SLC16A14: variants seen among roughly 807,000 people sequenced by gnomAD.
The protein encoded by SLC16A14 is solute carrier family 16 member 14.
Under a neutral mutation model 35.8 loss-of-function variants are expected in SLC16A14, and 14 were observed. That is an observed-to-expected ratio of 0.39 (90% CI 0.26 to 0.61). The LOEUF (loss-of-function observed/expected upper bound fraction) is 0.61. Ranked by LOEUF, SLC16A14 falls within the 20% of genes least tolerant of loss-of-function variation. The pLI, the probability that SLC16A14 is intolerant of heterozygous loss-of-function variation, is 0.51. For missense variants in SLC16A14, 533 were observed against 655.0 expected, an observed-to-expected ratio of 0.81 and a Z score of 2.03; for synonymous variants, 248 against 258.9, an observed-to-expected ratio of 0.96 and a Z score of 0.40.
intron 2 of SLC16A14, among the ~76,000 whole-genome samples, chr2:230,053,165 A>T (rs914935962): frequency 2.0e-5 from 3 of 151,894 alleles, no homozygotes; most frequent in Non-Finnish European, 4.4e-5. Flanking sequence ...CTGGTCTCAA[A>T]CTGCTGACCT....
chr2:230,058,374 T>A (rs559322264), intron 2 of SLC16A14: 4 of 152,170 alleles, frequency 2.6e-5, no homozygotes, highest in Non-Finnish European at 5.9e-5. Context: ...ATTTAAATTG[T>A]TATATCACAC....
At chr2:230,050,330 G>A (rs762213376) in intron 2 of SLC16A14, among the ~76,000 whole-genome samples, 8 of 152,242 alleles carry the variant, frequency 5.3e-5, no homozygotes, top group Non-Finnish European at 1.0e-4. Context: ...GTTAGTTGGA[G>A]CTGTGCAGTG....
chr2:230,055,414 A>G (rs141631608), intron 2 of SLC16A14, among the ~76,000 whole-genome samples: 17 of 152,338 alleles, frequency 1.1e-4, no homozygotes, highest in African/African-American at 3.4e-4. Flanking sequence ...TTTCATTTAT[A>G]TAACTATGAG....
chr2:230,045,691 A>G (rs1318676874), intron 4 of SLC16A14, 54 bp downstream of exon 4: 2 of 1,601,728 alleles, frequency 1.2e-6, no homozygotes, highest in Admixed American at 1.7e-5. Context: ...ACTTTATAAC[A>G]TAACGCACCA....
At chr2:230,061,931 G>A (rs1374117604) in intron 1 of SLC16A14, among the ~76,000 whole-genome samples, 7 of 151,928 alleles carry the variant, frequency 4.6e-5, no homozygotes, top group Non-Finnish European at 1.0e-4. Context: ...TATTAGAGAC[G>A]GGGTTTCGCC....
chr2:230,064,373 T>C (rs976631165), intron 1 of SLC16A14, among the ~76,000 whole-genome samples: 8 of 151,996 alleles, frequency 5.3e-5, no homozygotes, highest in African/African-American at 1.7e-4. Context: ...TGTCTGAGCC[T>C]GCTTGGGGCT....
chr2:230,055,514 C>G (rs2077697525), intron 2 of SLC16A14, among the ~76,000 whole-genome samples: 1 of 152,172 alleles, frequency 6.6e-6, no homozygotes, highest in African/African-American at 2.4e-5. Context: ...AGTCTAAAAT[C>G]TGAAATTCCA....
intron 4 of SLC16A14, among the ~76,000 whole-genome samples, chr2:230,040,287 C>T (rs562889964): frequency 9.2e-5 from 14 of 152,174 alleles, no homozygotes; most frequent in African/African-American, 3.1e-4. Flanking sequence ...GGCACAATCT[C>T]AGCTCACTGC....
chr2:230,061,529 A>C (rs1260051021), intron 1 of SLC16A14, among the ~76,000 whole-genome samples: 1 of 152,176 alleles, frequency 6.6e-6, no homozygotes, highest in Admixed American at 6.5e-5. Context: ...CCTTTCTCAG[A>C]ACACTCTAGG....
chr2:230,048,923 C>CAAA (rs748042264), intron 3 of SLC16A14, among the ~76,000 whole-genome samples: 502 of 14,804 alleles, frequency 0.034, 25 homozygotes, highest in East Asian at 0.072. Flanking sequence ...AACTCCATCT[C>CAAA]AAAAAAAAAA....
At position 230,055,328 on chromosome 2, in the gene SLC16A14, A is replaced by G. The variant is rs946030564; in HGVS notation, c.259+3766T>C. On this transcript the variant is annotated intron_variant, in intron 2 of 4. Transcript: ENST00000295190. ...AAAGCTTCCCTGAGGCTGCTCAACA[A>G]ATCTGCAGCCACCCTGTACCAGGAA... Among the ~76,000 whole-genome samples, 4 of 152,310 alleles carry G rather than the reference A, an allele frequency of 2.6e-5. No homozygotes were observed. In the East Asian group the frequency reaches 7.7e-4, roughly 29 times the overall value.
At chr2:230,060,523 ATATG>A (rs56946599) in intron 1 of SLC16A14, among the ~76,000 whole-genome samples, 72,196 of 150,730 alleles carry the variant, frequency 0.48, 17,927 homozygotes, top group African/African-American at 0.58. Context: ...TCATATGTAT[ATATG>A]TATGTATGTA....
In SLC16A14 at chr2:230,068,530, G is replaced by GGC. The variant is rs1366637713; in HGVS notation, c.-15+23_-15+24dup. 2 of 152,686 alleles carry GGC rather than the reference G, an allele frequency of 1.3e-5. No individual in the cohort carries two copies. Among genetic ancestry groups the GGC allele is most frequent in the African/African-American group, 4.8e-5 (2 of 41,438 alleles). 9.5% of individuals were successfully genotyped at this position (152,686 alleles called of 1,614,324 possible). Reference sequence around the variant, plus strand: ...GCGTCGCTCCATTCCCCAGGCCCGCGGCGCGCGCGGCCTCGGATACTCACC... The same window carrying GGC: ...GCGTCGCTCCATTCCCCAGGCCCGCGGCGCGCGCGCGGCCTCGGATACTCACC... On this transcript the variant is annotated intron_variant, in intron 1 of 4. Transcript: ENST00000295190. This position sits in a 1 kb window ranked among gnomAD's most constrained non-coding sequence, Gnocchi z 5.1.
chr2:230,039,265 A>T (rs980432765), intron 4 of SLC16A14, among the ~76,000 whole-genome samples: 8 of 152,120 alleles, frequency 5.3e-5, no homozygotes, highest in African/African-American at 1.7e-4. Flanking sequence ...TGAATTCTGG[A>T]TCTACTTTAA....
At position 230,061,179 on chromosome 2, in the gene SLC16A14, T is replaced by G. The variant is rs574149924; in HGVS notation, c.-14-1813A>C. Among the ~76,000 whole-genome samples, 4 of 152,310 alleles carry G rather than the reference T, an allele frequency of 2.6e-5. No homozygotes were observed. The East Asian group carries it at 7.7e-4, about 29-fold the overall frequency. Reference sequence around the variant, plus strand: ...CTTAAAAACAACAAACAACTAAAAGTTGGTCTGCTTTCTAAATCATCACTA... The same window carrying G: ...CTTAAAAACAACAAACAACTAAAAGGTGGTCTGCTTTCTAAATCATCACTA... On this transcript the variant is annotated intron_variant, in intron 1 of 4. Transcript: ENST00000295190.
intron 4 of SLC16A14, among the ~76,000 whole-genome samples, chr2:230,044,187 G>C (rs1417510190): frequency 6.6e-6 from 1 of 152,014 alleles, no homozygotes; most frequent in African/African-American, 2.4e-5. Flanking sequence ...TAAGTGAAAG[G>C]AGGTGGCTGG....
At chr2:230,040,268 G>T (rs1033599038) in intron 4 of SLC16A14, among the ~76,000 whole-genome samples, 2 of 151,720 alleles carry the variant, frequency 1.3e-5, no homozygotes, top group Non-Finnish European at 2.9e-5. Context: ...ACCCAGGCTG[G>T]AGTGCAGTGG....
rs773524518 is a variant in SLC16A14 at position 230,046,691 on chromosome 2, C to A, written c.435G>T (p.Ala145=). The change falls in exon 4 of 5, where the codon GCG becomes GCT. Residue 145 remains alanine, a synonymous_variant. Coordinates refer to ENST00000295190, the MANE Select transcript of SLC16A14 (RefSeq NM_152527.5). The surrounding 1 kb of genome is among the most constrained non-coding windows in gnomAD (Gnocchi z 5.0). The part of the protein sequence containing the change: ...GLGSGMAYLP[A]VVMVGRYFQK... The stretch of plus-strand genomic sequence containing the variant: ...GGAAATACCTGCCCACCATGACCAC[C>A]GCTGGCAGGTAGGCCATCCCGCTGC... 1.1e-5 allele frequency: 17 copies of A among 1,600,744 alleles called. No individual in the cohort carries two copies. Among genetic ancestry groups the A allele is most frequent in the African/African-American group, 6.7e-5 (5 of 74,952 alleles).
At chr2:230,061,218 C>G (rs527323672) in intron 1 of SLC16A14, among the ~76,000 whole-genome samples, 1 of 152,338 alleles carries the variant, frequency 6.6e-6, no homozygotes, top group Admixed American at 6.5e-5. Context: ...GCCAGCAATT[C>G]TAGACAATTA....
Sources: allele counts gnomAD v4.1 joint callset (sites outside exome capture counted in the v4.1 genomes callset), GRCh38; gene constraint gnomAD v4.1.1; non-coding constraint Gnocchi (gnomAD v3.1); transcripts MANE v1.5; gene names NCBI Gene and HGNC (gene_info 2026-07-23, HGNC 2026-07-21).